CNTN4: variants seen among roughly 807,000 people sequenced by gnomAD.
CNTN4 encodes the protein contactin 4.
In CNTN4, 77 loss-of-function variants were observed where a neutral mutation model predicts 122.5. The ratio of observed to expected loss-of-function variants is 0.63; its 90% confidence interval spans 0.52 to 0.76. The LOEUF is 0.76. Ranked by LOEUF, CNTN4 falls within the 30% of genes least tolerant of loss-of-function variation. The pLI, the probability that CNTN4 is intolerant of heterozygous loss-of-function variation, is 0.00. For synonymous variants in CNTN4, 512 were observed against 447.0 expected (o/e 1.15, Z -1.83); for missense variants, 1,256 against 1,259.1 (o/e 1.00, Z 0.04).
chr3:2,293,786 C>G (rs544575540), intron 2 of CNTN4, among the ~76,000 whole-genome samples: 1 of 152,068 alleles, frequency 6.6e-6, no homozygotes, highest in Non-Finnish European at 1.5e-5. Flanking sequence ...AAATATTCTC[C>G]AAAATAAAAG....
At chr3:2,503,354 C>G (rs914164394) in intron 3 of CNTN4, among the ~76,000 whole-genome samples, 4 of 152,120 alleles carry the variant, frequency 2.6e-5, no homozygotes, top group Non-Finnish European at 5.9e-5. Context: ...CAGTTGCTCA[C>G]TGTATCAGTC....
chr3:2,120,811 CT>C (rs2033725155), intron 2 of CNTN4, among the ~76,000 whole-genome samples: 1 of 82,390 alleles, frequency 1.2e-5, no homozygotes, highest in African/African-American at 3.2e-5. Context: ...GAAATACTGT[CT>C]AAGTGAATTT....
At chr3:2,129,766 T>C (rs984352399) in intron 2 of CNTN4, among the ~76,000 whole-genome samples, 1 of 151,826 alleles carries the variant, frequency 6.6e-6, no homozygotes, top group Admixed American at 6.6e-5. Context: ...CTCAGTTTCC[T>C]TCATTTACCT....
At chr3:2,658,062 A>T (rs56116657) in intron 4 of CNTN4, among the ~76,000 whole-genome samples, 7,419 of 147,808 alleles carry the variant, frequency 0.05, 660 homozygotes, top group African/African-American at 0.18. Flanking sequence ...TGCGAAGTGA[A>T]CTAGATGTGT....
At chr3:2,742,023 G>A (rs2089482361) in intron 5 of CNTN4, among the ~76,000 whole-genome samples, 1 of 152,160 alleles carries the variant, frequency 6.6e-6, no homozygotes, top group African/African-American at 2.4e-5. Context: ...TGGTACCTGG[G>A]AGCTAAAGCA....
intron 3 of CNTN4, among the ~76,000 whole-genome samples, chr3:2,461,775 G>T (rs1384769356): frequency 1.3e-5 from 2 of 152,212 alleles, no homozygotes; most frequent in East Asian, 1.9e-4. Context: ...TTTTATATTG[G>T]CTCATTTACT....
chr3:2,342,787 T>C (rs890615161), intron 3 of CNTN4, among the ~76,000 whole-genome samples: 12 of 152,212 alleles, frequency 7.9e-5, no homozygotes, highest in African/African-American at 2.2e-4. Context: ...TAAACCTCTT[T>C]CCTTTATAAA....
chr3:2,170,337 A>G (rs973105185), intron 2 of CNTN4, among the ~76,000 whole-genome samples: 1 of 152,130 alleles, frequency 6.6e-6, no homozygotes, highest in African/African-American at 2.4e-5. Context: ...AAAAACAACA[A>G]CAACAAAAAG....
At chr3:2,737,452 A>G (rs114644995) in intron 5 of CNTN4, among the ~76,000 whole-genome samples, 1,942 of 152,330 alleles carry the variant, frequency 0.013, 16 homozygotes, top group South Asian at 0.035. Context: ...CTGAAAAGCT[A>G]AGTACCCAAC....
chr3:2,129,620 A>G (rs1342508086), intron 2 of CNTN4, among the ~76,000 whole-genome samples: 2 of 151,932 alleles, frequency 1.3e-5, no homozygotes, highest in African/African-American at 2.4e-5. Context: ...ATGAAAACCA[A>G]AAATATGCTG....
At chr3:2,703,008 G>C (rs2086446037) in intron 4 of CNTN4, among the ~76,000 whole-genome samples, 1 of 152,162 alleles carries the variant, frequency 6.6e-6, no homozygotes, top group Non-Finnish European at 1.5e-5. Context: ...ATTTCTGTAA[G>C]TTTTCAAATG....
intron 6 of CNTN4, among the ~76,000 whole-genome samples, chr3:2,786,829 C>G (rs1330954886): frequency 6.6e-6 from 1 of 152,148 alleles, no homozygotes; most frequent in South Asian, 2.1e-4. Flanking sequence ...TGACCACCAT[C>G]ACAGGTCAGG....
intron 2 of CNTN4, among the ~76,000 whole-genome samples, chr3:2,237,280 G>A (rs1051979624): frequency 1.3e-5 from 2 of 151,448 alleles, no homozygotes; most frequent in Non-Finnish European, 2.9e-5. Context: ...AGGGATGAGA[G>A]GGAGGCAGAA....
intron 2 of CNTN4, among the ~76,000 whole-genome samples, chr3:2,236,699 C>G (rs2039693851): frequency 2.0e-5 from 3 of 152,176 alleles, no homozygotes; most frequent in South Asian, 4.1e-4. Flanking sequence ...CTCAAACTAT[C>G]ATTTTTATTT....
At chr3:2,221,726 G>A (rs983158366) in intron 2 of CNTN4, among the ~76,000 whole-genome samples, 1 of 152,010 alleles carries the variant, frequency 6.6e-6, no homozygotes, top group Non-Finnish European at 1.5e-5. Context: ...GTTAAAACAT[G>A]GCAAAGGATT....
chr3:2,956,691 A>C (rs528702585), intron 13 of CNTN4, among the ~76,000 whole-genome samples: 2 of 152,240 alleles, frequency 1.3e-5, no homozygotes, highest in East Asian at 3.9e-4. Context: ...TACCACAATC[A>C]AATTAATTAA....
chr3:2,663,576 A>G (rs2084008984), intron 4 of CNTN4, among the ~76,000 whole-genome samples: 1 of 152,204 alleles, frequency 6.6e-6, no homozygotes, highest in Non-Finnish European at 1.5e-5. Flanking sequence ...AGCATGTGGA[A>G]TGAATGCAGT....
At position 2,362,697 on chromosome 3, in the gene CNTN4, C is replaced by A. The variant is rs539707344; in HGVS notation, c.-89+23464C>A. The A allele has an allele frequency of 5.6e-4, 197 of 351,528 alleles. 1 individual carries two copies. The highest frequency in any genetic ancestry group is 3.9e-3 in the African/African-American group (184 of 46,766). 21.8% of individuals were successfully genotyped at this position (351,528 alleles called of 1,614,324 possible). A position where few individuals can be genotyped will look rare whatever the true frequency, so the allele number is the denominator to read the frequency against. The stretch of plus-strand genomic sequence containing the variant: ...GGGTGAACAATCCGTAAATGACCTG[C>A]ACATTCACTTACTTGGGAGCTGACA... On this transcript the variant is annotated intron_variant, in intron 3 of 24. Coordinates refer to ENST00000418658, the MANE Select transcript of CNTN4 (RefSeq NM_175607.3).
chr3:2,983,131 A>G (rs562862073), intron 13 of CNTN4, among the ~76,000 whole-genome samples: 8 of 139,496 alleles, frequency 5.7e-5, no homozygotes, highest in Middle Eastern at 3.6e-3. Flanking sequence ...GGAGAATGGT[A>G]TGAACCCTGG....
Sources: allele counts gnomAD v4.1 joint callset (sites outside exome capture counted in the v4.1 genomes callset), GRCh38; gene constraint gnomAD v4.1.1; transcripts MANE v1.5; gene names NCBI Gene and HGNC (gene_info 2026-07-23, HGNC 2026-07-21).